ZNF608: variants seen among roughly 807,000 people sequenced by gnomAD.
ZNF608 encodes the protein zinc finger protein 608, also known as renal carcinoma antigen NY-REN-36.
Under a neutral mutation model 109.0 loss-of-function variants are expected in ZNF608, and 12 were observed. That is an observed-to-expected ratio of 0.11 (90% CI 0.07 to 0.18). The LOEUF (loss-of-function observed/expected upper bound fraction) is 0.18. Ranked by LOEUF, ZNF608 falls within the 10% of genes least tolerant of loss-of-function variation. ZNF608 has a pLI of 1.00. For synonymous variants in ZNF608, 732 were observed against 717.4 expected (o/e 1.02, Z -0.33); for missense variants, 1,707 against 1,879.3 (o/e 0.91, Z 1.70).
chr5:124,723,257 C>A (rs1431289375), intron 2 of ZNF608, among the ~76,000 whole-genome samples: 1 of 152,172 alleles, frequency 6.6e-6, no homozygotes, highest in Non-Finnish European at 1.5e-5. Context: ...GATTCACCCG[C>A]CTCTGCCTCC....
chr5:124,649,181 C>T (rs1254586830), intron 4 of ZNF608, 48 bp from the exon 5 acceptor site: 2 of 1,463,576 alleles, frequency 1.4e-6, no homozygotes. Context: ...CCAAAAGAGC[C>T]AGGTGAAATC....
At chr5:124,728,519 C>T (rs73298952) in intron 2 of ZNF608, among the ~76,000 whole-genome samples, 7,429 of 152,162 alleles carry the variant, frequency 0.049, 553 homozygotes, top group African/African-American at 0.16. Context: ...ACCTATCTTA[C>T]GCAGATTTTC....
At position 124,641,898 on chromosome 5, in the gene ZNF608, C is replaced by G. The variant is rs781377312; in HGVS notation, c.4297-493G>C. On this transcript the variant is annotated intron_variant, in intron 7 of 9. Transcript: ENST00000513986. The stretch of plus-strand genomic sequence containing the variant: ...TGCCAATATAAAGCACAAGAAATCA[C>G]TGTCCTACACCCACATTTTGAATCT... Among the ~76,000 whole-genome samples, 29 of 152,176 alleles carry G rather than the reference C, an allele frequency of 1.9e-4. No individual in the cohort carries two copies. In the South Asian group the frequency reaches 2.1e-3, roughly 11 times the overall value.
At chr5:124,733,098 T>C (rs1233651383) in intron 2 of ZNF608, among the ~76,000 whole-genome samples, 1 of 152,038 alleles carries the variant, frequency 6.6e-6, no homozygotes, top group Non-Finnish European at 1.5e-5. Flanking sequence ...ATTCAATTTC[T>C]GTACCTTACG....
chr5:124,720,333 A>G (rs1174770443), intron 2 of ZNF608, among the ~76,000 whole-genome samples: 1 of 152,210 alleles, frequency 6.6e-6, no homozygotes, highest in Admixed American at 6.5e-5. Flanking sequence ...ATCTTCTTTT[A>G]TAATATATCT....
chr5:124,714,738 A>G (rs1329751266), intron 2 of ZNF608, among the ~76,000 whole-genome samples: 1 of 152,202 alleles, frequency 6.6e-6, no homozygotes, highest in Non-Finnish European at 1.5e-5. Flanking sequence ...GCCAATACCA[A>G]TCTCAGTAAC....
In ZNF608 at chr5:124,701,075, C is replaced by G. The variant is rs2149849935; in HGVS notation, c.1101G>C (p.Gly367=). 6.2e-7 allele frequency: 1 copy of G among 1,614,146 alleles called. No individual in the cohort carries two copies. The highest frequency in any genetic ancestry group is 8.5e-7 in the Non-Finnish European group (1 of 1,180,010). Residue 367 remains glycine (G), a synonymous_variant, in exon 3 of 10, where the codon GGG becomes GGC. Coordinates refer to ENST00000513986, the MANE Select transcript of ZNF608 (RefSeq NM_020747.3). ...TCACACTGGTCCCAGGTTCACAGGGCCCAAGACACTCTGGCTCTGTCACTA... is the reference window on the plus strand; with the variant it reads ...TCACACTGGTCCCAGGTTCACAGGGGCCAAGACACTCTGGCTCTGTCACTA... The part of the protein sequence containing the change: ...VGVVTEPECL[G]PCEPGTSVNL...
intron 3 of ZNF608, among the ~76,000 whole-genome samples, chr5:124,658,861 G>T (rs565037716): frequency 6.6e-6 from 1 of 152,270 alleles, no homozygotes; most frequent in South Asian, 2.1e-4. Flanking sequence ...TTTGGGAAAG[G>T]TATTTTGTAA....
chr5:124,740,052 C>A (rs73782078), intron 2 of ZNF608, among the ~76,000 whole-genome samples: 3,073 of 152,312 alleles, frequency 0.02, 130 homozygotes, highest in African/African-American at 0.071. Flanking sequence ...CAATCCCTCC[C>A]CCCACCGTTT....
chr5:124,658,113 G>A (rs1751093604), intron 3 of ZNF608, among the ~76,000 whole-genome samples: 1 of 152,140 alleles, frequency 6.6e-6, no homozygotes, highest in Non-Finnish European at 1.5e-5. Context: ...GGACAGGCAG[G>A]CAGAACAGGT....
In ZNF608 at chr5:124,744,642, A is replaced by G; in HGVS notation, c.348T>C (p.Asn116=). The part of the protein sequence containing the change: ...VKRSKTSKDA[N]KSLPSAALYG... ...ACAAGGCAGCAGAAGGCAGAGATTT[A>G]TTAGCATCCTTAGAAGTTTTACTCC... Residue 116 remains asparagine (N), a synonymous_variant, in exon 2 of 10, where the codon AAT becomes AAC. Transcript: ENST00000513986. This position sits in a 1 kb window ranked among gnomAD's most constrained non-coding sequence, Gnocchi z 4.5. The G allele has an allele frequency of 6.2e-7, 1 of 1,614,162 alleles. No homozygotes were observed. Among genetic ancestry groups the G allele is most frequent in the Non-Finnish European group, 8.5e-7 (1 of 1,180,040 alleles).
At chr5:124,653,209 C>T (rs1335829863) in intron 3 of ZNF608, among the ~76,000 whole-genome samples, 3 of 152,190 alleles carry the variant, frequency 2.0e-5, no homozygotes, top group Non-Finnish European at 4.4e-5. Context: ...ACTGTTAACA[C>T]TTTGTCTAAG....
At chr5:124,662,947 C>A (rs1460498013) in intron 3 of ZNF608, among the ~76,000 whole-genome samples, 2 of 152,128 alleles carry the variant, frequency 1.3e-5, no homozygotes, top group African/African-American at 4.8e-5. Context: ...TTGGGGGTTG[C>A]CACCTGGAAC....
At chr5:124,711,274 C>A (rs1201953584) in intron 2 of ZNF608, among the ~76,000 whole-genome samples, 2 of 152,208 alleles carry the variant, frequency 1.3e-5, no homozygotes, top group Non-Finnish European at 2.9e-5. Context: ...CTTGTGTGTT[C>A]TTTCAGAAAT....
chr5:124,683,069 A>C (rs943773625), intron 3 of ZNF608, among the ~76,000 whole-genome samples: 1 of 151,662 alleles, frequency 6.6e-6, no homozygotes, highest in African/African-American at 2.4e-5. Flanking sequence ...CTGGGAAGCA[A>C]GCTGCCATGT....
At chr5:124,674,011 G>A (rs558429416) in intron 3 of ZNF608, among the ~76,000 whole-genome samples, 14 of 152,208 alleles carry the variant, frequency 9.2e-5, no homozygotes, top group East Asian at 7.7e-4. Flanking sequence ...GGTAAATTAT[G>A]AGAAAATTCA....
chr5:124,679,697 G>A (rs1308943485), intron 3 of ZNF608, among the ~76,000 whole-genome samples: 1 of 152,200 alleles, frequency 6.6e-6, no homozygotes, highest in African/African-American at 2.4e-5. Flanking sequence ...AGAAAAACTT[G>A]AAAATACAGG....
rs372494761 is a variant in ZNF608, at chr5:124,701,113, A to G, written c.1063T>C (p.Cys355Arg). The stretch of plus-strand genomic sequence containing the variant: ...GGCTCTGTCACTACTCCAACTTCAC[A>G]TGTATTGACACCCACAGAACGAGTC... ...VRTRSVGVNT[C>R]EVGVVTEPEC... Residue 355 changes from cysteine to arginine, a missense_variant, in exon 3 of 10, where the codon TGT (cysteine) becomes CGT (arginine). This residue lies in a region of ZNF608 where 407 missense variants were observed against 398.7 expected (regional missense o/e 1.02). Transcript: ENST00000513986. 2.5e-6 allele frequency: 4 copies of G among 1,614,012 alleles called. No homozygotes were observed. Among genetic ancestry groups the G allele is most frequent in the African/African-American group, 2.7e-5 (2 of 74,946 alleles).
chr5:124,656,814 ACAC>A (rs1356420679), intron 3 of ZNF608, among the ~76,000 whole-genome samples: 1 of 145,374 alleles, frequency 6.9e-6, no homozygotes, highest in East Asian at 2.0e-4. Flanking sequence ...ACACACACAC[ACAC>A]ACACACACAC....
Sources: gnomAD v4.1 joint callset for allele counts (sites outside exome capture counted in the v4.1 genomes callset) on GRCh38, gnomAD v4.1.1 for gene constraint, gnomAD v4.1.1 regional missense constraint, Gnocchi (gnomAD v3.1) non-coding constraint, MANE v1.5 for transcripts, NCBI Gene and HGNC (gene_info 2026-07-23, HGNC 2026-07-21) for gene names.